MTREX: variants seen among roughly 807,000 people sequenced by gnomAD.
MTREX encodes the protein exosome RNA helicase MTR4.
In MTREX, 76 loss-of-function variants were observed where a neutral mutation model predicts 135.4. That is an observed-to-expected ratio of 0.56 (90% CI 0.47 to 0.68). The LOEUF (loss-of-function observed/expected upper bound fraction) is 0.68. MTREX is among the 30% of genes least tolerant of loss of function. The pLI is 0.00. For missense variants in MTREX, 920 were observed against 1,262.1 expected (o/e 0.73, Z 4.11); for synonymous variants, 404 against 401.6 (o/e 1.01, Z -0.07).
chr5:55,368,207 T>G (rs1215436475), intron 16 of MTREX, among the ~76,000 whole-genome samples: 1 of 152,172 alleles, frequency 6.6e-6, no homozygotes, highest in East Asian at 1.9e-4. Flanking sequence ...CCTAGCACTT[T>G]GCGAGGCCCA....
chr5:55,308,281 A>G (rs1245934221), intron 1 of MTREX, 134 bp downstream of exon 1: 16 of 1,087,696 alleles, frequency 1.5e-5, no homozygotes, highest in Non-Finnish European at 1.9e-5. Context: ...GTTCCAGAAA[A>G]AAGTTGGAGA....
intron 1 of MTREX, among the ~76,000 whole-genome samples, chr5:55,320,769 A>G (rs1159676222): frequency 6.6e-6 from 1 of 152,232 alleles, no homozygotes; most frequent in African/African-American, 2.4e-5. Context: ...CGTTTGCACA[A>G]TTCATGACTA....
intron 1 of MTREX, among the ~76,000 whole-genome samples, chr5:55,314,216 A>T (rs1249801868): frequency 6.6e-6 from 1 of 152,240 alleles, no homozygotes; most frequent in East Asian, 1.9e-4. Flanking sequence ...ATGTAGCCAA[A>T]TTCCTCTCCA....
intron 4 of MTREX, among the ~76,000 whole-genome samples, chr5:55,328,016 T>C (rs1053665736): frequency 2.0e-5 from 3 of 152,186 alleles, no homozygotes; most frequent in Admixed American, 1.3e-4. Flanking sequence ...TTTAAAAGAA[T>C]GTAATGAAAG....
chr5:55,325,894 G>C (rs946836735), intron 3 of MTREX, among the ~76,000 whole-genome samples: 12 of 152,084 alleles, frequency 7.9e-5, no homozygotes, highest in Non-Finnish European at 1.6e-4. Flanking sequence ...TTCTGTTTCT[G>C]CGTTAAATCA....
At chr5:55,321,283 A>G (rs960150982) in intron 1 of MTREX, among the ~76,000 whole-genome samples, 1 of 152,148 alleles carries the variant, frequency 6.6e-6, no homozygotes. Flanking sequence ...CTGATTTACA[A>G]TTCTGTCATA....
chr5:55,376,047 T>A (rs1471902724), intron 16 of MTREX, among the ~76,000 whole-genome samples: 1 of 152,228 alleles, frequency 6.6e-6, no homozygotes, highest in African/African-American at 2.4e-5. Context: ...TTCCAAAATT[T>A]ACTATAGTGG....
Position 55,309,589 on chromosome 5 carries a change from G to GA in MTREX, c.134+1449dup, listed in dbSNP as rs111365917. The stretch of plus-strand genomic sequence containing the variant: ...AGATGTTTAATTTGCATGTCAGGGT[G>GA]AAAAAAACAGGGACGTTCAGAGGTT... On this transcript the variant is annotated intron_variant, in intron 1 of 26. Transcript: ENST00000230640. Among the ~76,000 whole-genome samples the GA allele has an allele frequency of 6.1e-3, 931 of 152,162 alleles. 8 individuals are homozygous for GA. Among genetic ancestry groups the GA allele is most frequent in the African/African-American group, 0.022 (898 of 41,516 alleles).
intron 3 of MTREX, among the ~76,000 whole-genome samples, chr5:55,325,468 A>C (rs760991538): frequency 1.3e-5 from 2 of 150,620 alleles, no homozygotes; most frequent in Non-Finnish European, 3.0e-5. Flanking sequence ...AGCAGCTGGG[A>C]TTACAGGTGC....
chr5:55,344,653 A>T, intron 9 of MTREX, 33 bp downstream of exon 9: 2 of 1,231,054 alleles, frequency 1.6e-6, no homozygotes, highest in Non-Finnish European at 2.3e-6. Context: ...TAAATCTATA[A>T]TGTCATACTT....
chr5:55,405,033 G>A (rs527493816), intron 21 of MTREX, among the ~76,000 whole-genome samples: 2 of 151,770 alleles, frequency 1.3e-5, no homozygotes, highest in Non-Finnish European at 2.9e-5. Flanking sequence ...CAGGAACCTC[G>A]TGATCCACCC....
chr5:55,400,276 C>G lies in MTREX; in HGVS notation c.2336C>G (p.Pro779Arg). 6.2e-7 allele frequency: 1 copy of G among 1,610,996 alleles called. No individual in the cohort carries two copies. Among genetic ancestry groups the G allele is most frequent in the Non-Finnish European group, 8.5e-7 (1 of 1,178,694 alleles). Residue 779 changes from proline (P) to arginine (R), a missense_variant, in exon 21 of 27, where the codon CCT becomes CGT. Pro to Arg is a moderately radical substitution (Grantham distance 103). This residue lies in a region of MTREX where 467 missense variants were observed against 589.7 expected (regional missense o/e 0.79). Coordinates refer to ENST00000230640, the MANE Select transcript of MTREX (RefSeq NM_015360.5). ...RFPDGIPLLD[P>R]IDDMGIQDQG... ...CCTGACGGCATCCCCTTATTAGACC[C>G]TATTGATGATATGGGCATTCAAGAT...
At chr5:55,421,756 A>G (rs1397848874) in intron 25 of MTREX, among the ~76,000 whole-genome samples, 2 of 152,222 alleles carry the variant, frequency 1.3e-5, no homozygotes, top group African/African-American at 4.8e-5. Flanking sequence ...ATTTCATTTC[A>G]ATCCTAAATG....
At chr5:55,342,489 A>G (rs1749667125) in intron 7 of MTREX, among the ~76,000 whole-genome samples, 1 of 152,204 alleles carries the variant, frequency 6.6e-6, no homozygotes, top group Non-Finnish European at 1.5e-5. Flanking sequence ...ATGAAATAAA[A>G]ATGAACAAAA....
At chr5:55,339,680 G>A (rs760925241) in intron 5 of MTREX, among the ~76,000 whole-genome samples, 1 of 152,182 alleles carries the variant, frequency 6.6e-6, no homozygotes, top group Non-Finnish European at 1.5e-5. Context: ...CTGTATATGT[G>A]TGAACTCACA....
rs758776980 is a variant in MTREX at position 55,405,355 on chromosome 5, T to G, written c.2482-70T>G. On this transcript the variant is annotated intron_variant, in intron 21 of 26. Coordinates refer to ENST00000230640, the MANE Select transcript of MTREX (RefSeq NM_015360.5). ...CTTTAAAAATATTTTTTGTTTGATT[T>G]CATGAATAAATCTCCTTGTACATTG... 1.2e-4 allele frequency: 165 copies of G among 1,338,150 alleles called. 1 individual carries two copies. Among genetic ancestry groups the G allele is most frequent in the Non-Finnish European group, 1.6e-4 (152 of 965,450 alleles). The allele number at this position is 1,338,150 out of a possible 1,614,324, so 82.9% of individuals were successfully genotyped here. A position where few individuals can be genotyped will look rare whatever the true frequency, so the allele number is the denominator to read the frequency against.
intron 16 of MTREX, among the ~76,000 whole-genome samples, chr5:55,372,675 A>G (rs1427231912): frequency 1.3e-5 from 2 of 152,156 alleles, no homozygotes; most frequent in African/African-American, 2.4e-5. Context: ...GTGCTGAAAC[A>G]AAAGGATTGC....
intron 20 of MTREX, 113 bp from the exon 21 acceptor site, chr5:55,400,120 A>G (rs1332192488): frequency 2.9e-6 from 2 of 691,112 alleles, no homozygotes; most frequent in Non-Finnish European, 4.5e-6. Context: ...AAAATTATAT[A>G]TGTAGTATAC....
intron 21 of MTREX, among the ~76,000 whole-genome samples, chr5:55,403,013 G>GA (rs1416780764): frequency 6.6e-6 from 1 of 151,726 alleles, no homozygotes; most frequent in African/African-American, 2.4e-5. Context: ...CCCTGGACAA[G>GA]ATGATGAGAC....
Sources: allele counts gnomAD v4.1 joint callset (sites outside exome capture counted in the v4.1 genomes callset), GRCh38; gene constraint gnomAD v4.1.1; regional missense constraint gnomAD v4.1.1; transcripts MANE v1.5; gene names NCBI Gene and HGNC (gene_info 2026-07-23, HGNC 2026-07-21).